Variants in CSGALNACT1 observed in about 807,000 individuals in gnomAD.
CSGALNACT1 encodes beta4GalNAcT-1.
CSGALNACT1 carries 52 observed loss-of-function variants against 51.0 expected under a neutral mutation model. The observed-to-expected ratio is 1.02, with a 90% CI of 0.82 to 1.29. The LOEUF (loss-of-function observed/expected upper bound fraction) is 1.29. Among genes scored for constraint, CSGALNACT1 ranks in the 50% most tolerant of loss-of-function variants. The probability of loss-of-function intolerance (pLI) is 0.00; values close to 1 mark genes in which losing one functional copy is unlikely to be tolerated. For synonymous variants in CSGALNACT1, 341 were observed against 254.4 expected (o/e 1.34, Z -3.24); for missense variants, 935 against 679.2 (o/e 1.38, Z -4.19).
At chr8:19,575,260 C>A (rs766332335) in intron 3 of CSGALNACT1, among the ~76,000 whole-genome samples, 8 of 152,214 alleles carry the variant, frequency 5.3e-5, no homozygotes, top group Non-Finnish European at 4.4e-5. Flanking sequence ...CCACTAGCTG[C>A]ACTCTGGTTG....
chr8:19,715,970 C>A (rs2062781688), intron 1 of CSGALNACT1, among the ~76,000 whole-genome samples: 1 of 152,170 alleles, frequency 6.6e-6, no homozygotes, highest in Non-Finnish European at 1.5e-5. Context: ...AGTCTCTTTC[C>A]TGCATATTAC....
At chr8:19,600,317 T>A (rs1186051416) in intron 2 of CSGALNACT1, among the ~76,000 whole-genome samples, 1 of 152,204 alleles carries the variant, frequency 6.6e-6, no homozygotes, top group Non-Finnish European at 1.5e-5. Context: ...CTTGACCTTG[T>A]GATCCACCTG....
At chr8:19,582,689 T>C (rs988580541) in intron 3 of CSGALNACT1, among the ~76,000 whole-genome samples, 1 of 152,132 alleles carries the variant, frequency 6.6e-6, no homozygotes, top group African/African-American at 2.4e-5. Flanking sequence ...AATTTAGAGA[T>C]GCTACAGACT....
chr8:19,426,683 C>G (rs1360307031), intron 6 of CSGALNACT1, among the ~76,000 whole-genome samples: 2 of 152,172 alleles, frequency 1.3e-5, no homozygotes, highest in Admixed American at 6.5e-5. Flanking sequence ...TATAATAAAT[C>G]TGGTGCACGG....
chr8:19,598,367 A>T (rs1423516138), intron 2 of CSGALNACT1, among the ~76,000 whole-genome samples: 2 of 152,210 alleles, frequency 1.3e-5, no homozygotes, highest in Non-Finnish European at 2.9e-5. Flanking sequence ...GAAAGGTGAC[A>T]CTGATTAAAA....
intron 1 of CSGALNACT1, among the ~76,000 whole-genome samples, chr8:19,665,732 G>A (rs773836923): frequency 4.6e-5 from 7 of 152,176 alleles, no homozygotes; most frequent in Non-Finnish European, 7.4e-5. Flanking sequence ...GACAAAGGAC[G>A]TCAATTTTCC....
At chr8:19,687,484 A>G (rs1254155698), upstream of CSGALNACT1, among the ~76,000 whole-genome samples, 7 of 151,312 alleles carry the variant, frequency 4.6e-5, no homozygotes, top group Non-Finnish European at 1.0e-4. Flanking sequence ...GCAAATTACT[A>G]AAAAAAAATG....
At chr8:19,488,055 T>C (rs909734684) in intron 4 of CSGALNACT1, among the ~76,000 whole-genome samples, 17 of 151,900 alleles carry the variant, frequency 1.1e-4, no homozygotes, top group Admixed American at 5.2e-4. Context: ...ATAATCATAG[T>C]ATTAGTACAG....
At chr8:19,722,239 C>T (rs1357703442) in intron 1 of CSGALNACT1, among the ~76,000 whole-genome samples, 1 of 152,166 alleles carries the variant, frequency 6.6e-6, no homozygotes, top group East Asian at 1.9e-4. Context: ...TGACTGCTCT[C>T]TCCCCTAAAA....
At chr8:19,472,460 ATT>A (rs1311476193) in intron 4 of CSGALNACT1, among the ~76,000 whole-genome samples, 1 of 152,224 alleles carries the variant, frequency 6.6e-6, no homozygotes, top group Non-Finnish European at 1.5e-5. Context: ...ACTCACGTCC[ATT>A]TTTCAAACCC....
At chr8:19,661,182 G>C (rs533345644) in intron 1 of CSGALNACT1, among the ~76,000 whole-genome samples, 1 of 151,948 alleles carries the variant, frequency 6.6e-6, no homozygotes, top group Non-Finnish European at 1.5e-5. Context: ...CCAAAGTGTT[G>C]GGATTAGAGG....
chr8:19,494,047 C>T (rs549669077), intron 4 of CSGALNACT1, among the ~76,000 whole-genome samples: 6 of 152,298 alleles, frequency 3.9e-5, no homozygotes, highest in Admixed American at 1.3e-4. Flanking sequence ...AATCTAGCCA[C>T]GACATTTAAA....
chr8:19,409,956 C>G (rs890584826), intron 8 of CSGALNACT1, among the ~76,000 whole-genome samples: 2 of 152,152 alleles, frequency 1.3e-5, no homozygotes, highest in African/African-American at 4.8e-5. Context: ...ATCACATCTT[C>G]CCCCTTCCTG....
At chr8:19,534,453 GA>G (rs112611341) in intron 3 of CSGALNACT1, among the ~76,000 whole-genome samples, 19 of 149,482 alleles carry the variant, frequency 1.3e-4, no homozygotes, top group African/African-American at 3.9e-4. Flanking sequence ...TCCATCTCAA[GA>G]AAAAAAAAAT....
At chr8:19,407,915 G>GGACATT (rs2054648706) in intron 9 of CSGALNACT1, among the ~76,000 whole-genome samples, 2 of 66,892 alleles carry the variant, frequency 3.0e-5, no homozygotes, top group African/African-American at 7.7e-5. Context: ...TTGTGTGTGT[G>GGACATT]TGTGTGTGTG....
intron 1 of CSGALNACT1, 75 bp from the exon 2 acceptor site, chr8:19,601,940 G>A (rs771789890): frequency 2.7e-5 from 12 of 447,216 alleles, no homozygotes; most frequent in Non-Finnish European, 4.9e-5. Flanking sequence ...TACAAAATGG[G>A]AACATTTTAA....
chr8:19,600,458 G>T (rs1464067323), intron 2 of CSGALNACT1, among the ~76,000 whole-genome samples: 1 of 152,020 alleles, frequency 6.6e-6, no homozygotes, highest in African/African-American at 2.4e-5. Flanking sequence ...GTCTACATGG[G>T]GTTGTAATGA....
intron 1 of CSGALNACT1, among the ~76,000 whole-genome samples, chr8:19,659,783 C>A (rs908149727): frequency 6.6e-6 from 1 of 152,230 alleles, no homozygotes; most frequent in Non-Finnish European, 1.5e-5. Flanking sequence ...GCTCAGAGCA[C>A]TGTCTGCCCA....
At chr8:19,697,632 A>G (rs1014664918) in intron 1 of CSGALNACT1, among the ~76,000 whole-genome samples, 1 of 152,162 alleles carries the variant, frequency 6.6e-6, no homozygotes, top group Admixed American at 6.5e-5. Flanking sequence ...GCCCCCCTGT[A>G]CAAGGTACCC....
Sources: allele counts gnomAD v4.1 joint callset (sites outside exome capture counted in the v4.1 genomes callset), GRCh38; gene constraint gnomAD v4.1.1; transcripts MANE v1.5; gene names NCBI Gene and HGNC (gene_info 2026-07-23, HGNC 2026-07-21).